The following DYNC1H1 variants were observed in gnomAD, a reference collection of about 807,000 sequenced individuals.
DYNC1H1 encodes cytoplasmic dynein 1 heavy chain 1.
DYNC1H1 carries 51 observed loss-of-function variants against 527.1 expected under a neutral mutation model. The observed-to-expected ratio is 0.10, with a 90% CI of 0.08 to 0.12. The LOEUF is 0.12. Among genes scored for constraint, DYNC1H1 ranks in the 10% least tolerant of loss-of-function variants. The probability of loss-of-function intolerance (pLI) is 1.00; values close to 1 mark genes in which losing one functional copy is unlikely to be tolerated. For missense variants in DYNC1H1, 2,771 were observed against 5,971.8 expected (o/e 0.46, Z 17.66); for synonymous variants, 2,189 against 2,278.8 (o/e 0.96, Z 1.12).
rs781421178 is a variant in DYNC1H1 at position 102,001,565 on chromosome 14, G to A, written c.4426G>A (p.Asp1476Asn). Residue 1476 changes from aspartate to asparagine, a missense_variant, in exon 21 of 78, where the codon GAC becomes AAC. Asp to Asn is a conservative substitution (Grantham distance 23). Transcript: ENST00000360184. The surrounding 1 kb of genome is among the most constrained non-coding windows in gnomAD (Gnocchi z 5.0). ...IREVWNTYEL[D>N]LVNYQNKCRL... is the part of the protein sequence containing the mutation. ...AGAAGTGTGGAATACTTATGAACTA[G>A]ACTTGGTTAATTATCAGAACAAGTG... 6.2e-7 allele frequency: 1 copy of A among 1,614,110 alleles called. No homozygotes were observed. The highest frequency in any genetic ancestry group is 1.1e-5 in the South Asian group (1 of 91,078).
intron 1 of DYNC1H1, among the ~76,000 whole-genome samples, chr14:101,972,398 G>A (rs868089238): frequency 6.6e-6 from 1 of 152,170 alleles, no homozygotes; most frequent in African/African-American, 2.4e-5. Flanking sequence ...TGACTGGTTC[G>A]TAGTGACTTC....
chr14:101,994,356 A>T (rs370859681), intron 12 of DYNC1H1, 32 bp downstream of exon 12: 2 of 1,614,036 alleles, frequency 1.2e-6, no homozygotes, highest in Non-Finnish European at 1.7e-6. Flanking sequence ...TCAAATGTGC[A>T]TATGGTCTAT....
intron 43 of DYNC1H1, among the ~76,000 whole-genome samples, chr14:102,026,186 A>T (rs2152588492): frequency 6.6e-6 from 1 of 152,078 alleles, no homozygotes; most frequent in East Asian, 1.9e-4. Flanking sequence ...CAAATGAAAT[A>T]CAGAAATGGC....
chr14:101,964,852 C>T lies in DYNC1H1; in HGVS notation c.161C>T (p.Ala54Val), dbSNP rs772070566. ...DGGEAPAALE[A>V]ALEEKSALEQ... Reference sequence around the variant, plus strand: ...GGCGAGGCGCCGGCCGCGCTGGAGGCGGCGCTGGAGGAGAAGAGCGCCCTG... The same window carrying T: ...GGCGAGGCGCCGGCCGCGCTGGAGGTGGCGCTGGAGGAGAAGAGCGCCCTG... Residue 54 changes from alanine to valine, a missense_variant, in exon 1 of 78, where the codon GCG becomes GTG. This residue lies in a region of DYNC1H1 where 101 missense variants were observed against 105.3 expected (regional missense o/e 0.96). Coordinates refer to ENST00000360184, the MANE Select transcript of DYNC1H1 (RefSeq NM_001376.5). This position sits in a 1 kb window ranked among gnomAD's most constrained non-coding sequence, Gnocchi z 5.5. 4.9e-5 allele frequency: 78 copies of T among 1,598,042 alleles called. No homozygotes were observed. The highest frequency in any genetic ancestry group is 6.5e-5 in the Non-Finnish European group (76 of 1,173,296).
In DYNC1H1 at chr14:102,042,771, A is replaced by G. The variant is rs17512846; in HGVS notation, c.12513+23A>G. On this transcript the variant is annotated intron_variant, in intron 69 of 77. Transcript: ENST00000360184. This position sits in a 1 kb window ranked among gnomAD's most constrained non-coding sequence, Gnocchi z 5.7. ...AAGGTAAGTACCTTGTCCTCCTGGTATGCTTTCCCCATAGAAGCTAAAGCC... is the reference window on the plus strand; with the variant it reads ...AAGGTAAGTACCTTGTCCTCCTGGTGTGCTTTCCCCATAGAAGCTAAAGCC... 1,519 of 1,612,970 alleles carry G rather than the reference A, an allele frequency of 9.4e-4. 14 individuals carry two copies. The African/African-American group carries it at 0.017, about 18-fold the overall frequency.
At chr14:102,047,795 C>CGACTGTGG (rs1567025161) in intron 72 of DYNC1H1, 22 bp from the exon 73 acceptor site, 1 of 1,612,332 alleles carries the variant, frequency 6.2e-7, no homozygotes. Flanking sequence ...CTTCCTGCTG[C>CGACTGTGG]GACTGTGGGA....
chr14:101,964,938 A>G lies in DYNC1H1; in HGVS notation c.247A>G (p.Thr83Ala). ...QVHTVLVERS[T>A]LKEDVGDEGE... ...CCACACGGTGCTGGTGGAGCGCTCC[A>G]CGCTCAAAGGTGCGGGGCCGCGGAG... Residue 83 changes from threonine (T) to alanine (A), a missense_variant, in exon 1 of 78, where the codon ACG (threonine) becomes GCG (alanine). Around this residue, in one of 32 missense-constraint regions of DYNC1H1, gnomAD observed 146 missense variants for 288.1 expected, o/e 0.51. Transcript: ENST00000360184. This position sits in a 1 kb window ranked among gnomAD's most constrained non-coding sequence, Gnocchi z 5.5. 6.3e-7 allele frequency: 1 copy of G among 1,597,842 alleles called. No individual in the cohort carries two copies. The highest frequency in any genetic ancestry group is 1.1e-5 in the South Asian group (1 of 89,056).
chr14:102,019,476 T>A (rs1054643419), intron 41 of DYNC1H1, among the ~76,000 whole-genome samples: 8 of 152,242 alleles, frequency 5.3e-5, no homozygotes, highest in Non-Finnish European at 1.2e-4. Context: ...TTTTAAGTAT[T>A]TTCAGAAGGA....
Position 102,036,654 on chromosome 14 carries a change from C to T in DYNC1H1, c.10908+12C>T, listed in dbSNP as rs751104428. ...CCCTTCTGGTCCAGGTTGGTGTTGGCCTTTGAATTCTTGAAACACTGCATT... is the reference window on the plus strand; with the variant it reads ...CCCTTCTGGTCCAGGTTGGTGTTGGTCTTTGAATTCTTGAAACACTGCATT... On this transcript the variant is annotated intron_variant, in intron 57 of 77. Transcript: ENST00000360184. This position sits in a 1 kb window ranked among gnomAD's most constrained non-coding sequence, Gnocchi z 5.6. 16 of 1,613,852 alleles carry T rather than the reference C, an allele frequency of 9.9e-6. No individual in the cohort carries two copies. In the South Asian group the frequency reaches 1.5e-4, roughly 16 times the overall value.
At chr14:102,000,572 C>CTT in intron 18 of DYNC1H1, 173 bp downstream of exon 18, 1 of 608,478 alleles carries the variant, frequency 1.6e-6, no homozygotes. Flanking sequence ...TATTTTGAAA[C>CTT]CTTTTTTTTT....
At chr14:101,973,610 C>T (rs1203463733) in intron 1 of DYNC1H1, among the ~76,000 whole-genome samples, 1 of 152,028 alleles carries the variant, frequency 6.6e-6, no homozygotes, top group Non-Finnish European at 1.5e-5. Context: ...TGACACCAGC[C>T]TGAGCAACAT....
Position 102,029,631 on chromosome 14 carries a change from C to T in DYNC1H1, c.9561C>T (p.Phe3187=), listed in dbSNP as rs2048488005. The change falls in exon 49 of 78, where the codon TTC becomes TTT. Residue 3187 remains phenylalanine (F), a synonymous_variant. Coordinates refer to ENST00000360184, the MANE Select transcript of DYNC1H1 (RefSeq NM_001376.5). The surrounding 1 kb of genome is among the most constrained non-coding windows in gnomAD (Gnocchi z 5.3). ...TCATCAATCACTATGCCAACCTGTT[C>T]CACGAGAAGCGGAGCGAGCTGGAGG... ...LDFINHYANL[F]HEKRSELEEQ... 3 of 1,614,096 alleles carry T rather than the reference C, an allele frequency of 1.9e-6. No homozygotes were observed. The highest frequency in any genetic ancestry group is 3.3e-5 in the Admixed American group (2 of 60,004).
chr14:102,001,291 G>C lies in DYNC1H1; in HGVS notation c.4332G>C (p.Ala1444=). 1 of 1,614,176 alleles carries C rather than the reference G, an allele frequency of 6.2e-7. No homozygotes were observed. The highest frequency in any genetic ancestry group is 8.5e-7 in the Non-Finnish European group (1 of 1,180,034). The part of the protein sequence containing the change: ...IWDVDLQKNE[A]IVKDVLLVAQ... Reference sequence around the variant, plus strand: ...ATGTTGACTTGCAGAAAAATGAAGCGATTGTCAAGGATGTACTGCTTGTGG... The same window carrying C: ...ATGTTGACTTGCAGAAAAATGAAGCCATTGTCAAGGATGTACTGCTTGTGG... The change falls in exon 20 of 78, where the codon GCG becomes GCC. Residue 1444 remains alanine (A), a synonymous_variant. Coordinates refer to ENST00000360184, the MANE Select transcript of DYNC1H1 (RefSeq NM_001376.5). The surrounding 1 kb of genome is among the most constrained non-coding windows in gnomAD (Gnocchi z 5.0).
In DYNC1H1 at chr14:101,964,832, G is replaced by C. The variant is rs1417184494; in HGVS notation, c.141G>C (p.Glu47Asp). 1.9e-6 allele frequency: 3 copies of C among 1,600,726 alleles called. No individual in the cohort carries two copies. The highest frequency in any genetic ancestry group is 2.6e-6 in the Non-Finnish European group (3 of 1,174,720). The change falls in exon 1 of 78, where the codon GAG (glutamate) becomes GAC (aspartate). Residue 47 changes from glutamate (E) to aspartate (D), a missense_variant. This residue lies in a region of DYNC1H1 where 101 missense variants were observed against 105.3 expected (regional missense o/e 0.96). Transcript: ENST00000360184. This position sits in a 1 kb window ranked among gnomAD's most constrained non-coding sequence, Gnocchi z 5.5. ...CGCTGCTGCTGGAGGACGGCGGCGAGGCGCCGGCCGCGCTGGAGGCGGCGC... is the reference window on the plus strand; with the variant it reads ...CGCTGCTGCTGGAGGACGGCGGCGACGCGCCGGCCGCGCTGGAGGCGGCGC... ...LVPLLLEDGGEAPAALEAALE... is the reference protein window; with the variant it reads ...LVPLLLEDGGDAPAALEAALE...
chr14:102,000,199 A>G (rs2048114380), intron 17 of DYNC1H1, 55 bp downstream of exon 17: 3 of 1,614,168 alleles, frequency 1.9e-6, no homozygotes, highest in East Asian at 2.2e-5. Context: ...GGACTCTGCC[A>G]TTGACTTTGT....
At chr14:102,040,857 G>T (rs761893506) in intron 64 of DYNC1H1, 184 bp downstream of exon 64, 82 of 702,568 alleles carry the variant, frequency 1.2e-4, no homozygotes, top group Non-Finnish European at 1.9e-4. Context: ...TACTCGGGAG[G>T]CTAAAGCAGG....
intron 51 of DYNC1H1, chr14:102,030,736 A>G (rs2152590612): frequency 4.0e-6 from 1 of 248,988 alleles, no homozygotes; most frequent in Non-Finnish European, 7.9e-6. Flanking sequence ...CATTCCTTAC[A>G]TGCCTATAAG....
At position 102,012,272 on chromosome 14, in the gene DYNC1H1, C is replaced by A. The variant is rs367979381; in HGVS notation, c.6858-42C>A. On this transcript the variant is annotated intron_variant, in intron 33 of 77. Coordinates refer to ENST00000360184, the MANE Select transcript of DYNC1H1 (RefSeq NM_001376.5). This position sits in a 1 kb window ranked among gnomAD's most constrained non-coding sequence, Gnocchi z 4.9. ...CGGTAAACATGCCTAATGTTAAAAT[C>A]TTGATTTAATCAGCAGCTATTTTAA... 6 of 1,613,964 alleles carry A rather than the reference C, an allele frequency of 3.7e-6. No individual in the cohort carries two copies. Among genetic ancestry groups the A allele is most frequent in the Non-Finnish European group, 5.1e-6 (6 of 1,179,996 alleles).
Position 101,997,039 on chromosome 14 carries a change from A to T in DYNC1H1, c.3569A>T (p.Tyr1190Phe). ...TTTATTTTTTAACTCTCAAAGCTCT[A>T]CCGCAATGGCCAGCGCTTACTGGAA... is the stretch of plus-strand genomic sequence containing the variant. ...IKQFEKQVEL[Y>F]RNGQRLLEKQ... Residue 1190 changes from tyrosine (Y) to phenylalanine (F), a missense_variant, in exon 16 of 78, where the codon TAC (tyrosine) becomes TTC (phenylalanine). This residue lies in a region of DYNC1H1 where 223 missense variants were observed against 462.5 expected (regional missense o/e 0.48). Coordinates refer to ENST00000360184, the MANE Select transcript of DYNC1H1 (RefSeq NM_001376.5). The surrounding 1 kb of genome is among the most constrained non-coding windows in gnomAD (Gnocchi z 4.8). 6.2e-7 allele frequency: 1 copy of T among 1,613,982 alleles called. No homozygotes were observed. The highest frequency in any genetic ancestry group is 1.3e-5 in the African/African-American group (1 of 75,038).
Sources: allele counts gnomAD v4.1 joint callset (sites outside exome capture counted in the v4.1 genomes callset), GRCh38; gene constraint gnomAD v4.1.1; regional missense constraint gnomAD v4.1.1; non-coding constraint Gnocchi (gnomAD v3.1); transcripts MANE v1.5; gene names NCBI Gene and HGNC (gene_info 2026-07-23, HGNC 2026-07-21).